Variants in NRXN3 observed in about 807,000 individuals in gnomAD.
NRXN3 encodes the protein neurexin 3.
A neutral mutation model predicts 137.6 loss-of-function variants in NRXN3; 32 were observed. That is an observed-to-expected ratio of 0.23 (90% CI 0.18 to 0.31). NRXN3 has a LOEUF of 0.31. Among genes scored for constraint, NRXN3 ranks in the 10% least tolerant of loss-of-function variants. The pLI is 1.00. For missense variants in NRXN3, 1,574 were observed against 2,062.5 expected (o/e 0.76, Z 4.59); for synonymous variants, 798 against 784.5 (o/e 1.02, Z -0.29).
chr14:78,846,807 C>T (rs755173147), intron 10 of NRXN3, among the ~76,000 whole-genome samples: 1 of 152,142 alleles, frequency 6.6e-6, no homozygotes, highest in Non-Finnish European at 1.5e-5. Context: ...GGTTTGCCTT[C>T]CCACTGCGTC....
chr14:78,317,719 G>A (rs2078875516), intron 4 of NRXN3, among the ~76,000 whole-genome samples: 5 of 152,144 alleles, frequency 3.3e-5, no homozygotes, highest in Admixed American at 1.3e-4. Context: ...TCAGAACAAT[G>A]TTTAATCAGA....
chr14:79,306,044 G>A (rs1378385556), intron 15 of NRXN3, among the ~76,000 whole-genome samples: 1 of 152,098 alleles, frequency 6.6e-6, no homozygotes, highest in African/African-American at 2.4e-5. Context: ...ATGAAAATGT[G>A]TGATGTGATT....
At chr14:78,328,085 C>A (rs2080322245) in intron 4 of NRXN3, among the ~76,000 whole-genome samples, 1 of 152,148 alleles carries the variant, frequency 6.6e-6, no homozygotes, top group Non-Finnish European at 1.5e-5. Context: ...GTAGTTCAGC[C>A]TAGCCAAGTT....
At chr14:78,620,265 G>T (rs142877301) in intron 4 of NRXN3, among the ~76,000 whole-genome samples, 1 of 152,312 alleles carries the variant, frequency 6.6e-6, no homozygotes, top group East Asian at 1.9e-4. Flanking sequence ...TCAGACAAAT[G>T]CAGATAGAAT....
rs1422174843 is a variant in NRXN3, at chr14:79,817,371, T to C, written c.4093+12181T>C. Reference sequence around the variant, plus strand: ...CCGGGCCTCCCTATATAGTAAACTTTCGATGGCAGCATACACAACATTGAA... The same window carrying C: ...CCGGGCCTCCCTATATAGTAAACTTCCGATGGCAGCATACACAACATTGAA... On this transcript the variant is annotated intron_variant, in intron 20 of 20. Transcript: ENST00000335750. 4.6e-5 allele frequency among the ~76,000 whole-genome samples: 7 copies of C among 152,182 alleles called. No individual in the cohort carries two copies. In the South Asian group the frequency reaches 8.3e-4, roughly 18 times the overall value.
At chr14:79,706,657 T>G (rs2098781022) in intron 19 of NRXN3, among the ~76,000 whole-genome samples, 1 of 152,090 alleles carries the variant, frequency 6.6e-6, no homozygotes, top group Non-Finnish European at 1.5e-5. Context: ...TGTGGCCAGA[T>G]ATGCTGGCTC....
chr14:79,395,682 G>A (rs868391322), intron 15 of NRXN3, among the ~76,000 whole-genome samples: 4 of 151,964 alleles, frequency 2.6e-5, no homozygotes, highest in Admixed American at 6.6e-5. Flanking sequence ...GGTGGTGGGC[G>A]CCTGTAGTCC....
At chr14:79,323,430 A>G (rs2090366310) in intron 15 of NRXN3, among the ~76,000 whole-genome samples, 2 of 152,248 alleles carry the variant, frequency 1.3e-5, no homozygotes, top group South Asian at 4.1e-4. Context: ...CAAAAGGCCC[A>G]TTATTATTCA....
At chr14:79,310,055 T>C (rs989074978) in intron 15 of NRXN3, among the ~76,000 whole-genome samples, 3 of 131,490 alleles carry the variant, frequency 2.3e-5, no homozygotes, top group African/African-American at 1.0e-4. Flanking sequence ...CTAAGGTTTT[T>C]ATGGTTTTAG....
chr14:78,636,591 A>G (rs2097569161), intron 4 of NRXN3, among the ~76,000 whole-genome samples: 1 of 152,156 alleles, frequency 6.6e-6, no homozygotes. Context: ...TCACGGGGGC[A>G]GGAAAATGGA....
intron 8 of NRXN3, among the ~76,000 whole-genome samples, chr14:78,749,741 T>G (rs1011041874): frequency 4.6e-5 from 7 of 152,196 alleles, no homozygotes; most frequent in African/African-American, 1.7e-4. Context: ...TGGGCTTCTA[T>G]CTCCCTGGGG....
chr14:79,667,242 A>AT (rs1336741214), intron 17 of NRXN3, among the ~76,000 whole-genome samples: 1 of 152,098 alleles, frequency 6.6e-6, no homozygotes, highest in Non-Finnish European at 1.5e-5. Flanking sequence ...CTATTTTATT[A>AT]TTTTATCAAT....
chr14:78,657,108 T>C (rs924076632), intron 6 of NRXN3, among the ~76,000 whole-genome samples: 5 of 149,672 alleles, frequency 3.3e-5, no homozygotes, highest in Non-Finnish European at 7.4e-5. Context: ...CGGCATTAGA[T>C]TGGCGCCTGC....
chr14:79,467,440 C>T (rs762734658), intron 16 of NRXN3, 38 bp downstream of exon 16: 4 of 1,534,608 alleles, frequency 2.6e-6, no homozygotes, highest in African/African-American at 1.4e-5. Flanking sequence ...TCTTATGTTA[C>T]TGGTGGTCTG....
intron 15 of NRXN3, among the ~76,000 whole-genome samples, chr14:79,449,990 C>CAAA (rs66658022): frequency 2.5e-5 from 1 of 40,778 alleles, no homozygotes; most frequent in Non-Finnish European, 4.6e-5. Context: ...AACTCCATCT[C>CAAA]AAAAAAAAAA....
intron 4 of NRXN3, among the ~76,000 whole-genome samples, chr14:78,560,397 C>T (rs2096775682): frequency 1.3e-5 from 2 of 152,188 alleles, no homozygotes; most frequent in South Asian, 4.1e-4. Context: ...CTTAGGGACT[C>T]AGGTCCCAAC....
chr14:79,406,244 C>T (rs1478241643), intron 15 of NRXN3, among the ~76,000 whole-genome samples: 1 of 149,378 alleles, frequency 6.7e-6, no homozygotes, highest in East Asian at 2.0e-4. Context: ...CATTGCATTC[C>T]CCTCCCCTCC....
intron 20 of NRXN3, among the ~76,000 whole-genome samples, chr14:79,837,178 T>C (rs75743964): frequency 0.12 from 17,697 of 152,206 alleles, 1,413 homozygotes; most frequent in South Asian, 0.21. Context: ...ATTAATGTAA[T>C]GATATAGTGT....
chr14:79,214,893 T>C (rs527834163), intron 15 of NRXN3, among the ~76,000 whole-genome samples: 16 of 152,220 alleles, frequency 1.1e-4, no homozygotes, highest in Non-Finnish European at 2.1e-4. Flanking sequence ...CTTTCACTTA[T>C]ATGAAAAATA....
Sources: gnomAD v4.1 joint callset for allele counts (sites outside exome capture counted in the v4.1 genomes callset) on GRCh38, gnomAD v4.1.1 for gene constraint, MANE v1.5 for transcripts, NCBI Gene and HGNC (gene_info 2026-07-23, HGNC 2026-07-21) for gene names.